SGCZ: variants seen among roughly 807,000 people sequenced by gnomAD.
SGCZ encodes the protein zeta-sarcoglycan.
Under a neutral mutation model 41.3 loss-of-function variants are expected in SGCZ, and 40 were observed. The ratio of observed to expected loss-of-function variants is 0.97; its 90% CI spans 0.75 to 1.26. The LOEUF is 1.26. Among genes scored for constraint, SGCZ ranks in the 50% most tolerant of loss-of-function variants. SGCZ has a pLI of 0.00. For synonymous variants in SGCZ, 206 were observed against 137.5 expected (o/e 1.50, Z -3.49); for missense variants, 552 against 369.8 (o/e 1.49, Z -4.04).
chr8:14,169,706 A>G (rs1409710826), intron 4 of SGCZ, among the ~76,000 whole-genome samples: 1 of 152,114 alleles, frequency 6.6e-6, no homozygotes, highest in Non-Finnish European at 1.5e-5. Context: ...TCTCTGACCA[A>G]AGCAATTGAT....
chr8:14,375,577 TAA>T (rs1252676672), intron 2 of SGCZ, among the ~76,000 whole-genome samples: 9 of 152,142 alleles, frequency 5.9e-5, no homozygotes, highest in Non-Finnish European at 1.2e-4. Flanking sequence ...ACAGAATTTT[TAA>T]AAGACTTCAA....
intron 1 of SGCZ, among the ~76,000 whole-genome samples, chr8:14,659,093 C>G (rs1807667205): frequency 6.6e-6 from 1 of 151,956 alleles, no homozygotes; most frequent in African/African-American, 2.4e-5. Flanking sequence ...CACAGAGTTA[C>G]TTTTCTGTTA....
chr8:14,350,930 T>G (rs1006987384), intron 2 of SGCZ, among the ~76,000 whole-genome samples: 1 of 152,198 alleles, frequency 6.6e-6, no homozygotes, highest in Admixed American at 6.6e-5. Context: ...TATTCACTGC[T>G]AATATTTCAG....
chr8:14,607,316 A>C (rs918924412), intron 1 of SGCZ, among the ~76,000 whole-genome samples: 1 of 152,126 alleles, frequency 6.6e-6, no homozygotes, highest in Admixed American at 6.6e-5. Context: ...GTACATTTCC[A>C]ATATTAATAT....
rs1803767157 is a variant in SGCZ at position 14,550,413 on chromosome 8, G to A, written c.234+4319C>T. On this transcript the variant is annotated intron_variant, in intron 2 of 7. Transcript: ENST00000382080. ...TAAATAAGCATATAAATAAAAGCAGGAAAAGTATTCAGGATTGTGGTTATC... is the reference window on the plus strand; with the variant it reads ...TAAATAAGCATATAAATAAAAGCAGAAAAAGTATTCAGGATTGTGGTTATC... Among the ~76,000 whole-genome samples, 3 of 150,970 alleles carry A rather than the reference G, an allele frequency of 2.0e-5. No homozygotes were observed. The South Asian group carries it at 6.3e-4, about 31-fold the overall frequency.
intron 1 of SGCZ, among the ~76,000 whole-genome samples, chr8:15,020,282 A>G (rs1803202256): frequency 6.6e-6 from 1 of 152,178 alleles, no homozygotes; most frequent in Non-Finnish European, 1.5e-5. Flanking sequence ...AAATTCAATT[A>G]AAAATCCCAC....
chr8:14,221,198 T>C (rs1370052905), intron 4 of SGCZ, among the ~76,000 whole-genome samples: 4 of 152,224 alleles, frequency 2.6e-5, no homozygotes, highest in African/African-American at 9.6e-5. Flanking sequence ...CATATGTGTA[T>C]GTGTGTGTAA....
intron 1 of SGCZ, among the ~76,000 whole-genome samples, chr8:14,721,155 G>C (rs1172879237): frequency 6.6e-6 from 1 of 152,018 alleles, no homozygotes; most frequent in African/African-American, 2.4e-5. Flanking sequence ...GAATTTCTGA[G>C]TACTCGAAAG....
chr8:14,200,173 A>G, intron 4 of SGCZ, among the ~76,000 whole-genome samples: 1 of 152,316 alleles, frequency 6.6e-6, no homozygotes, highest in East Asian at 1.9e-4. Context: ...CAAATTCTGT[A>G]TGCTGAAAGC....
intron 1 of SGCZ, among the ~76,000 whole-genome samples, chr8:14,595,162 G>A (rs1254317505): frequency 6.6e-6 from 1 of 151,968 alleles, no homozygotes; most frequent in East Asian, 1.9e-4. Flanking sequence ...CCTTTCAAGT[G>A]TCCCCCTAGA....
intron 1 of SGCZ, among the ~76,000 whole-genome samples, chr8:14,644,951 T>TAAA (rs112347316): frequency 2.7e-4 from 41 of 149,700 alleles, no homozygotes; most frequent in Middle Eastern, 6.8e-3. Context: ...GTTGCATAAA[T>TAAA]AAAAAAAAAA....
intron 1 of SGCZ, among the ~76,000 whole-genome samples, chr8:14,801,717 C>T (rs1283637119): frequency 6.6e-6 from 1 of 152,088 alleles, no homozygotes; most frequent in African/African-American, 2.4e-5. Context: ...CTAGAAGGAT[C>T]AAGATCATGT....
At chr8:14,851,689 C>G in intron 1 of SGCZ, among the ~76,000 whole-genome samples, 1 of 151,898 alleles carries the variant, frequency 6.6e-6, no homozygotes, top group Non-Finnish European at 1.5e-5. Flanking sequence ...AGAGGTAATC[C>G]ATTTATAGAA....
chr8:14,571,555 C>G (rs1344245226), intron 1 of SGCZ, among the ~76,000 whole-genome samples: 1 of 152,050 alleles, frequency 6.6e-6, no homozygotes, highest in Non-Finnish European at 1.5e-5. Flanking sequence ...TTTAGATACT[C>G]TCAATGTATA....
At chr8:15,231,937 A>C (rs2117209240) in intron 1 of SGCZ, among the ~76,000 whole-genome samples, 1 of 152,304 alleles carries the variant, frequency 6.6e-6, no homozygotes, top group South Asian at 2.1e-4. Flanking sequence ...TGACGTTTAT[A>C]GAAAATGTGG....
At chr8:15,056,253 A>G (rs1563472918) in intron 1 of SGCZ, among the ~76,000 whole-genome samples, 1 of 152,134 alleles carries the variant, frequency 6.6e-6, no homozygotes, top group Non-Finnish European at 1.5e-5. Flanking sequence ...GTAAGCATAG[A>G]CTTCTTCCTA....
At chr8:14,811,219 G>C (rs1801728535) in intron 1 of SGCZ, among the ~76,000 whole-genome samples, 1 of 151,970 alleles carries the variant, frequency 6.6e-6, no homozygotes, top group Non-Finnish European at 1.5e-5. Flanking sequence ...AATGAATTCA[G>C]TGTTTCATTT....
chr8:14,259,759 T>C (rs576859682), intron 3 of SGCZ, among the ~76,000 whole-genome samples: 51 of 150,650 alleles, frequency 3.4e-4, no homozygotes, highest in Admixed American at 1.7e-3. Context: ...CCTCCAGCTT[T>C]GTTCTTTTGG....
rs140951856 is a variant in SGCZ at position 14,549,151 on chromosome 8, T to TTGTG, written c.234+5577_234+5580dup. On this transcript the variant is annotated intron_variant, in intron 2 of 7. Transcript: ENST00000382080. ...TAGCGACTTTAAGTAAAATTCAAGT[T>TTGTG]TGTGTGTGTGTGTGTGTCTAAAAAA... Among the ~76,000 whole-genome samples, 67 of 151,184 alleles carry TTGTG rather than the reference T, an allele frequency of 4.4e-4. No individual in the cohort carries two copies. In the South Asian group the frequency reaches 6.3e-3, roughly 14 times the overall value.
Sources: gnomAD v4.1 joint callset for allele counts (sites outside exome capture counted in the v4.1 genomes callset) on GRCh38, gnomAD v4.1.1 for gene constraint, MANE v1.5 for transcripts, NCBI Gene and HGNC (gene_info 2026-07-23, HGNC 2026-07-21) for gene names.